Variants in RSRP1 observed in about 807,000 individuals in gnomAD.
The protein encoded by RSRP1 is arginine and serine rich protein 1, also known as arginine/serine-rich protein 1.
A neutral mutation model predicts 33.0 loss-of-function variants in RSRP1; 37 were observed. The observed-to-expected ratio is 1.12, with a 90% CI of 0.86 to 1.48. The LOEUF is 1.48. RSRP1 is among the 40% of genes most tolerant of loss of function. The probability of loss-of-function intolerance (pLI) is 0.00; values close to 1 mark genes in which losing one functional copy is unlikely to be tolerated. For synonymous variants in RSRP1, 167 were observed against 158.7 expected (o/e 1.05, Z -0.40); for missense variants, 402 against 385.3 (o/e 1.04, Z -0.36).
intron 2 of RSRP1, 107 bp from the exon 3 acceptor site, chr1:25,245,408 A>G: frequency 1.5e-6 from 2 of 1,372,566 alleles, no homozygotes; most frequent in South Asian, 1.5e-5. Flanking sequence ...TATTAAATAT[A>G]TTAAGTCACT....
At chr1:25,244,911 T>C (rs1639219736) in intron 3 of RSRP1, 1 of 1,351,800 alleles carries the variant, frequency 7.4e-7, no homozygotes, top group African/African-American at 1.5e-5. Context: ...CTTGAACTCC[T>C]GGACTCAAGC....
At position 25,306,698 on chromosome 1, in the gene RSRP1, G is replaced by T. The variant is rs546425801; in HGVS notation, c.-67+31280C>A. 13 of 1,378,568 alleles carry T rather than the reference G, an allele frequency of 9.4e-6. 2 individuals carry two copies. The East Asian group carries it at 2.0e-4, about 21-fold the overall frequency. The allele number at this position is 1,378,568 out of a possible 1,614,324, so 85.4% of individuals were successfully genotyped here. On this transcript the variant is annotated intron_variant, in intron 1 of 1. Coordinates refer to the RSRP1 transcript ENST00000561867. ...AGAGATCATCTACATTGTGCTGCTGGTGCTTGATACCGTCGGAGCCGGCAA... is the reference window on the plus strand; with the variant it reads ...AGAGATCATCTACATTGTGCTGCTGTTGCTTGATACCGTCGGAGCCGGCAA...
intron 3 of RSRP1, chr1:25,244,059 A>ATTTT: frequency 1.9e-6 from 2 of 1,050,870 alleles, no homozygotes; most frequent in African/African-American, 1.7e-5. Flanking sequence ...TAGATACAGC[A>ATTTT]TTTTTTTTTT....
At chr1:25,322,565 C>A (rs1644772781) in intron 1 of RSRP1, among the ~76,000 whole-genome samples, 1 of 132,148 alleles carries the variant, frequency 7.6e-6, no homozygotes, top group African/African-American at 2.6e-5. Flanking sequence ...CCCAGTTACT[C>A]AGGAGGCTGA....
At chr1:25,306,886 C>T in intron 1 of RSRP1, 1 of 800,008 alleles carries the variant, frequency 1.2e-6, no homozygotes, top group East Asian at 2.5e-5. Flanking sequence ...AAATTCTGTC[C>T]AGCCCCTACC....
chr1:25,299,072 T>TA (rs34867414), intron 1 of RSRP1, among the ~76,000 whole-genome samples: 9,087 of 40,842 alleles, frequency 0.22, 1,579 homozygotes, highest in Admixed American at 0.32. Flanking sequence ...CACATGGTGA[T>TA]AAAAAAAAAA....
At chr1:25,247,076 G>T in intron 1 of RSRP1, 47 bp from the exon 2 acceptor site, 1 of 1,179,790 alleles carries the variant, frequency 8.5e-7, no homozygotes, top group Non-Finnish European at 1.1e-6. Context: ...GGAAGCCGGC[G>T]CCTGGCCACC....
intron 2 of RSRP1, 130 bp from the exon 3 acceptor site, chr1:25,245,431 G>GTT: frequency 7.9e-7 from 1 of 1,267,520 alleles, no homozygotes; most frequent in Non-Finnish European, 1.1e-6. Context: ...TTTTATAATA[G>GTT]GTAAACTAAG....
rs1224995646 is a variant in RSRP1, at chr1:25,318,354, G to A, written c.-67+19624C>T. 1.5e-5 allele frequency: 2 copies of A among 131,824 alleles called. 1 individual carries two copies. The highest frequency in any genetic ancestry group is 4.6e-4 in the South Asian group (2 of 4,308). The allele number at this position is 131,824 out of a possible 1,614,324, so 8.2% of individuals were successfully genotyped here. On this transcript the variant is annotated intron_variant, in intron 1 of 1. Transcript: ENST00000561867. ...TGTAATCCCAGCACTTTGGGAGGCTGAGACAGGTAGATCACTTGAGGTCAG... is the reference window on the plus strand; with the variant it reads ...TGTAATCCCAGCACTTTGGGAGGCTAAGACAGGTAGATCACTTGAGGTCAG...
At chr1:25,276,588 C>G (rs1488421530) in intron 1 of RSRP1, among the ~76,000 whole-genome samples, 1 of 120,754 alleles carries the variant, frequency 8.3e-6, no homozygotes, top group East Asian at 2.0e-4. Flanking sequence ...GTGGCACATG[C>G]CTATAGTCCC....
intron 1 of RSRP1, chr1:25,272,601 A>G: frequency 6.3e-7 from 1 of 1,582,526 alleles, no homozygotes; most frequent in South Asian, 1.1e-5. Flanking sequence ...TCTGGGCCCT[A>G]ACACTGGAAG....
intron 1 of RSRP1, among the ~76,000 whole-genome samples, chr1:25,257,644 A>C (rs1188444968): frequency 7.1e-6 from 1 of 140,440 alleles, no homozygotes; most frequent in African/African-American, 2.7e-5. Flanking sequence ...CCTGTTGCCC[A>C]GGTTGAGTGC....
In RSRP1 at chr1:25,246,926, G is replaced by C. The variant is rs1392689366; in HGVS notation, c.38C>G (p.Pro13Arg). The change falls in exon 2 of 5, where the codon CCG becomes CGG. Residue 13 changes from proline (P) to arginine (R), a missense_variant. Transcript: ENST00000243189. ...NYVNDMWPGSPQEKDSPSTSR... is the reference protein window; with the variant it reads ...NYVNDMWPGSRQEKDSPSTSR... ...GGTCGAGGGCGAATCCTTCTCCTGC[G>C]GCGAGCCCGGCCACATGTCGTTCAC... is the stretch of plus-strand genomic sequence containing the variant. 6.3e-7 allele frequency: 1 copy of C among 1,593,580 alleles called. No homozygotes were observed. The highest frequency in any genetic ancestry group is 8.6e-7 in the Non-Finnish European group (1 of 1,166,844).
rs1485333379 is a variant in RSRP1, at chr1:25,274,757, G to C, written c.-66-27728C>G. Among the ~76,000 whole-genome samples, 3 of 133,784 alleles carry C rather than the reference G, an allele frequency of 2.2e-5. 1 individual carries two copies. Among genetic ancestry groups the C allele is most frequent in the Non-Finnish European group, 3.6e-5 (2 of 56,244 alleles). The allele number at this position is 133,784 out of a possible 152,430, so 87.8% of individuals were successfully genotyped here. Reference sequence around the variant, plus strand: ...CGACGTGGCTCACGCCTGTAATCCCGGCACATTGGGAGGCCAAGGCTGGAG... The same window carrying C: ...CGACGTGGCTCACGCCTGTAATCCCCGCACATTGGGAGGCCAAGGCTGGAG... On this transcript the variant is annotated intron_variant, in intron 1 of 1. Transcript: ENST00000561867.
At chr1:25,333,352 A>G (rs604775) in intron 1 of RSRP1, among the ~76,000 whole-genome samples, 6,218 of 127,994 alleles carry the variant, frequency 0.049, 887 homozygotes, top group African/African-American at 0.16. Flanking sequence ...AACTTGTAGG[A>G]GAGGCTGCTA....
At chr1:25,312,015 C>A (rs1173760336) in intron 1 of RSRP1, among the ~76,000 whole-genome samples, 1 of 117,782 alleles carries the variant, frequency 8.5e-6, no homozygotes, top group Non-Finnish European at 2.0e-5. Context: ...AGTGCAATGC[C>A]AGCTTGGGAG....
At position 25,279,003 on chromosome 1, in the gene RSRP1, G is replaced by A. The variant is rs585353; in HGVS notation, c.-66-31974C>T. On this transcript the variant is annotated intron_variant, in intron 1 of 1. Coordinates refer to the RSRP1 transcript ENST00000561867. The stretch of plus-strand genomic sequence containing the variant: ...TGAAGCTGGGTGTGACTTCAGAGCT[G>A]TTGGTGCTGAAGTTTCTGCAGGCCA... 1.5e-4 allele frequency among the ~76,000 whole-genome samples: 19 copies of A among 129,644 alleles called. 3 individuals carry two copies. Among genetic ancestry groups the A allele is most frequent in the Non-Finnish European group, 2.5e-4 (14 of 55,094 alleles). 85.1% of individuals were successfully genotyped at this position (129,644 alleles called of 152,430 possible).
chr1:25,293,791 A>C lies in RSRP1; in HGVS notation c.-67+44187T>G, dbSNP rs1157235325. Among the ~76,000 whole-genome samples the C allele has an allele frequency of 1.4e-4, 19 of 132,208 alleles. 2 individuals are homozygous for C. Among genetic ancestry groups the C allele is most frequent in the African/African-American group, 4.7e-4 (18 of 38,608 alleles). 86.7% of individuals were successfully genotyped at this position (132,208 alleles called of 152,430 possible). A position where few individuals can be genotyped will look rare whatever the true frequency, so the allele number is the denominator to read the frequency against. The stretch of plus-strand genomic sequence containing the variant: ...GAATTAAGAGTATTTCCCTTTGTCC[A>C]TTATTCCCAAGGCAAATATGGAAAT... On this transcript the variant is annotated intron_variant, in intron 1 of 1. Coordinates refer to the RSRP1 transcript ENST00000561867.
chr1:25,317,824 A>T (rs528996192), intron 1 of RSRP1, among the ~76,000 whole-genome samples: 973 of 84,322 alleles, frequency 0.012, 42 homozygotes, highest in African/African-American at 0.035. Context: ...CAGTAAGGAG[A>T]CCAGTGTGGT....
Sources: allele counts gnomAD v4.1 joint callset (sites outside exome capture counted in the v4.1 genomes callset), GRCh38; gene constraint gnomAD v4.1.1; transcripts MANE v1.5; gene names NCBI Gene and HGNC (gene_info 2026-07-23, HGNC 2026-07-21).